The following TENM4 variants were observed in gnomAD, a reference collection of about 807,000 sequenced individuals.
The protein encoded by TENM4 is teneurin-4.
TENM4 carries 82 observed loss-of-function variants against 243.3 expected under a neutral mutation model. The ratio of observed to expected loss-of-function variants is 0.34; its 90% confidence interval spans 0.28 to 0.40. TENM4 has a LOEUF of 0.40. Ranked by LOEUF, TENM4 falls within the 10% of genes least tolerant of loss-of-function variation. The pLI, the probability that TENM4 is intolerant of heterozygous loss-of-function variation, is 1.00. For synonymous variants in TENM4, 1,412 were observed against 1,456.3 expected, an observed-to-expected ratio of 0.97 and a Z score of 0.69; for missense variants, 3,138 against 3,673.3, an observed-to-expected ratio of 0.85 and a Z score of 3.77.
At chr11:78,913,864 C>T (rs962770017) in intron 6 of TENM4, among the ~76,000 whole-genome samples, 10 of 152,190 alleles carry the variant, frequency 6.6e-5, no homozygotes, top group Admixed American at 3.3e-4. Flanking sequence ...TTAATGCTTT[C>T]CCTGGCTTCC....
chr11:78,922,665 C>T (rs1018926239), intron 6 of TENM4, among the ~76,000 whole-genome samples: 8 of 152,204 alleles, frequency 5.3e-5, no homozygotes, highest in African/African-American at 1.2e-4. Context: ...AAGAGAATCC[C>T]GGTCAAACAC....
Position 78,805,293 on chromosome 11 carries a change from G to T in TENM4, c.2178C>A (p.Ile726=). Residue 726 remains isoleucine, a splice_region_variant and synonymous_variant, in exon 15 of 34, where the codon ATC becomes ATA. Transcript: ENST00000278550. ...TGCTTCTTCTCCCCCTGCATTTACC[G>T]ATAGAACAGTCGTGTCCAGTCCAGC... ...DPSWTGHDCS[I]EICAADCGGH... The T allele has an allele frequency of 2.9e-6, 1 of 340,478 alleles. No individual in the cohort carries two copies. The highest frequency in any genetic ancestry group is 5.9e-5 in the South Asian group (1 of 16,892). 21.1% of individuals were successfully genotyped at this position (340,478 alleles called of 1,614,324 possible).
intron 4 of TENM4, among the ~76,000 whole-genome samples, chr11:79,136,625 A>G (rs951182785): frequency 1.3e-5 from 2 of 152,130 alleles, no homozygotes; most frequent in Non-Finnish European, 1.5e-5. Flanking sequence ...GAAAAGGCAG[A>G]GGTTTGTTCT....
chr11:79,132,393 A>C (rs1041047894), intron 4 of TENM4, among the ~76,000 whole-genome samples: 2 of 151,346 alleles, frequency 1.3e-5, no homozygotes, highest in African/African-American at 4.8e-5. Flanking sequence ...ACACAATAAT[A>C]GTGGGGGACT....
chr11:79,359,808 G>T (rs1857560861), intron 1 of TENM4, among the ~76,000 whole-genome samples: 1 of 152,110 alleles, frequency 6.6e-6, no homozygotes, highest in Non-Finnish European at 1.5e-5. Context: ...AGCTTATGAG[G>T]TGGTATCCCC....
At chr11:79,022,728 A>G (rs1858966107) in intron 6 of TENM4, among the ~76,000 whole-genome samples, 1 of 152,238 alleles carries the variant, frequency 6.6e-6, no homozygotes, top group South Asian at 2.1e-4. Context: ...GATGAAGACA[A>G]TGAAGAGATG....
At chr11:79,132,879 C>T (rs920093196) in intron 4 of TENM4, among the ~76,000 whole-genome samples, 1 of 152,024 alleles carries the variant, frequency 6.6e-6, no homozygotes, top group African/African-American at 2.4e-5. Flanking sequence ...GCCCTAAACA[C>T]CTACATCAAA....
chr11:78,982,317 G>A (rs1857817380), intron 6 of TENM4, among the ~76,000 whole-genome samples: 1 of 152,134 alleles, frequency 6.6e-6, no homozygotes, highest in African/African-American at 2.4e-5. Context: ...TGGAGGCCTT[G>A]TCCCACATTA....
At chr11:78,908,329 A>G (rs537631044) in intron 6 of TENM4, among the ~76,000 whole-genome samples, 1 of 152,358 alleles carries the variant, frequency 6.6e-6, no homozygotes, top group East Asian at 1.9e-4. Flanking sequence ...TGTTATGAGA[A>G]TTAAAAGAGA....
At chr11:79,299,732 A>C (rs1313592133) in intron 1 of TENM4, among the ~76,000 whole-genome samples, 1 of 152,228 alleles carries the variant, frequency 6.6e-6, no homozygotes, top group Non-Finnish European at 1.5e-5. Context: ...ATAAAATCCC[A>C]ACCCGGTCAG....
chr11:79,371,982 A>G (rs1857797208), intron 1 of TENM4, among the ~76,000 whole-genome samples: 1 of 152,176 alleles, frequency 6.6e-6, no homozygotes, highest in Non-Finnish European at 1.5e-5. Context: ...AAGAGAGCCC[A>G]AGGTGTCAGG....
At chr11:78,978,622 C>T (rs1857721720) in intron 6 of TENM4, among the ~76,000 whole-genome samples, 1 of 152,080 alleles carries the variant, frequency 6.6e-6, no homozygotes, top group South Asian at 2.1e-4. Flanking sequence ...GGGAAGTGGA[C>T]ACCAGGACGG....
chr11:78,777,604 A>C (rs1856762657), intron 17 of TENM4, among the ~76,000 whole-genome samples: 4 of 152,192 alleles, frequency 2.6e-5, no homozygotes, highest in Admixed American at 2.6e-4. Context: ...TACTTCACTT[A>C]ATCCTCATAC....
At chr11:78,866,711 G>A (rs1858988281) in intron 9 of TENM4, among the ~76,000 whole-genome samples, 1 of 152,198 alleles carries the variant, frequency 6.6e-6, no homozygotes, top group East Asian at 1.9e-4. Context: ...CGTGGCCTGT[G>A]GAAGATGCAC....
intron 4 of TENM4, chr11:79,097,329 G>C (rs1482911039): frequency 6.6e-6 from 1 of 152,200 alleles, no homozygotes; most frequent in Non-Finnish European, 1.5e-5. Flanking sequence ...TTGACAAAGT[G>C]GGGTTCTTTT....
At chr11:78,829,587 T>A (rs76018291) in intron 12 of TENM4, among the ~76,000 whole-genome samples, 3,795 of 152,254 alleles carry the variant, frequency 0.025, 152 homozygotes, top group African/African-American at 0.087. Context: ...TAATGGAGAA[T>A]GCACCAGCTT....
chr11:78,658,040 A>G lies in TENM4; in HGVS notation c.*18T>C. ...AAAAGAGTAGCTGTCTTTGGCAAGAAGTCCTTGGTCCTCTCTGTCACCTCC... is the reference window on the plus strand; with the variant it reads ...AAAAGAGTAGCTGTCTTTGGCAAGAGGTCCTTGGTCCTCTCTGTCACCTCC... On this transcript the variant is annotated 3_prime_UTR_variant, in exon 34 of 34. Coordinates refer to ENST00000278550, the MANE Select transcript of TENM4 (RefSeq NM_001098816.3). 2 of 1,614,036 alleles carry G rather than the reference A, an allele frequency of 1.2e-6. No homozygotes were observed. The highest frequency in any genetic ancestry group is 1.7e-6 in the Non-Finnish European group (2 of 1,179,894).
At chr11:78,793,885 G>A (rs1857110171) in intron 15 of TENM4, among the ~76,000 whole-genome samples, 1 of 152,212 alleles carries the variant, frequency 6.6e-6, no homozygotes, top group Non-Finnish European at 1.5e-5. Flanking sequence ...TACCTCAGAT[G>A]CCATATGAGT....
chr11:79,034,879 T>A (rs1859336465), intron 6 of TENM4, among the ~76,000 whole-genome samples: 1 of 152,216 alleles, frequency 6.6e-6, no homozygotes, highest in Non-Finnish European at 1.5e-5. Flanking sequence ...TCATAGAACT[T>A]TCAGAACCTC....
Sources: gnomAD v4.1 joint callset for allele counts (sites outside exome capture counted in the v4.1 genomes callset) on GRCh38, gnomAD v4.1.1 for gene constraint, MANE v1.5 for transcripts, NCBI Gene and HGNC (gene_info 2026-07-23, HGNC 2026-07-21) for gene names.